The following SEC24D variants were observed in gnomAD, a reference collection of about 807,000 sequenced individuals.
SEC24D encodes the protein SEC24 homolog D, COPII component.
SEC24D carries 69 observed loss-of-function variants against 116.9 expected under a neutral mutation model. That is an observed-to-expected ratio of 0.59 (90% CI 0.49 to 0.72). The LOEUF is 0.72. Ranked by LOEUF, SEC24D falls within the 30% of genes least tolerant of loss-of-function variation. The pLI, the probability that SEC24D is intolerant of heterozygous loss-of-function variation, is 0.00. For missense variants in SEC24D, 1,131 were observed against 1,264.1 expected (o/e 0.89, Z 1.60); for synonymous variants, 405 against 442.8 (o/e 0.91, Z 1.07).
intron 17 of SEC24D, 151 bp from the exon 18 acceptor site, chr4:118,739,438 G>T (rs1726128796): frequency 3.0e-6 from 2 of 671,568 alleles, no homozygotes; most frequent in Non-Finnish European, 4.8e-6. Flanking sequence ...TATTGTTAAA[G>T]AATGAACAAC....
intron 6 of SEC24D, among the ~76,000 whole-genome samples, chr4:118,809,417 C>T (rs116158926): frequency 0.044 from 6,651 of 152,242 alleles, 199 homozygotes; most frequent in Non-Finnish European, 0.064. Flanking sequence ...TCGCTCAGGA[C>T]TGGGGTATAG....
chr4:118,724,243 G>T (rs770391982), intron 22 of SEC24D, among the ~76,000 whole-genome samples: 2 of 152,020 alleles, frequency 1.3e-5, no homozygotes, highest in Non-Finnish European at 2.9e-5. Context: ...AGGTGGAAAG[G>T]GGGTAGATTG....
chr4:118,738,201 G>T, intron 19 of SEC24D, 60 bp downstream of exon 19: 1 of 1,099,412 alleles, frequency 9.1e-7, no homozygotes, highest in Non-Finnish European at 1.4e-6. Context: ...ATAGCTATGT[G>T]CTGAAGAAAT....
At chr4:118,818,683 G>A (rs907213671) in intron 3 of SEC24D, among the ~76,000 whole-genome samples, 3 of 151,780 alleles carry the variant, frequency 2.0e-5, no homozygotes, top group African/African-American at 7.2e-5. Flanking sequence ...ATGTTTTATC[G>A]GTAGCCGGAA....
At chr4:118,754,362 T>G (rs1224625691) in intron 11 of SEC24D, among the ~76,000 whole-genome samples, 2 of 152,132 alleles carry the variant, frequency 1.3e-5, no homozygotes, top group African/African-American at 4.8e-5. Context: ...CCGATTCATT[T>G]GAATCTTACT....
chr4:118,767,388 C>T (rs916136653), intron 9 of SEC24D, among the ~76,000 whole-genome samples: 2 of 152,178 alleles, frequency 1.3e-5, no homozygotes, highest in African/African-American at 4.8e-5. Context: ...GCTATATGTT[C>T]TTCAGATCTA....
At chr4:118,785,168 T>C (rs1431868342) in intron 8 of SEC24D, among the ~76,000 whole-genome samples, 1 of 152,184 alleles carries the variant, frequency 6.6e-6, no homozygotes, top group African/African-American at 2.4e-5. Flanking sequence ...GTATCAAATA[T>C]GGCATTTGAA....
chr4:118,767,981 TAGTTACCTA>T (rs1727718772), intron 9 of SEC24D, among the ~76,000 whole-genome samples, 183 bp downstream of exon 9: 1 of 152,238 alleles, frequency 6.6e-6, no homozygotes, highest in South Asian at 2.1e-4. Flanking sequence ...GGGGCTCATG[TAGTTACCTA>T]AGGTTAAAAG....
chr4:118,827,140 C>T (rs6840339), intron 2 of SEC24D, among the ~76,000 whole-genome samples: 87,977 of 151,824 alleles, frequency 0.58, 26,052 homozygotes, highest in East Asian at 0.66. Context: ...GATGGCACGA[C>T]CAGGACAGGG....
At chr4:118,760,506 GGCT>G (rs1727321671) in intron 10 of SEC24D, 1 of 151,998 alleles carries the variant, frequency 6.6e-6, no homozygotes, top group Non-Finnish European at 1.5e-5. Context: ...TCCTTTTTGA[GGCT>G]GAATGATATT....
intron 8 of SEC24D, among the ~76,000 whole-genome samples, chr4:118,781,903 G>A (rs1247029856): frequency 6.6e-6 from 1 of 152,104 alleles, no homozygotes; most frequent in African/African-American, 2.4e-5. Context: ...CATGCGTCAC[G>A]TAGTTTTCGC....
chr4:118,784,777 T>A (rs1578431947), intron 8 of SEC24D, among the ~76,000 whole-genome samples: 1 of 116,552 alleles, frequency 8.6e-6, no homozygotes. Context: ...AAACACACAC[T>A]CACAAATACT....
rs555413770 is a variant in SEC24D at position 118,736,935 on chromosome 4, T to G, written c.2496+1326A>C. On this transcript the variant is annotated intron_variant, in intron 19 of 22. Coordinates refer to ENST00000280551, the MANE Select transcript of SEC24D (RefSeq NM_014822.4). Reference sequence around the variant, plus strand: ...CCAGAATAAAATAACAGGTTTTTCTTCCATAAATAGGCAATAAGTTTGTTT... The same window carrying G: ...CCAGAATAAAATAACAGGTTTTTCTGCCATAAATAGGCAATAAGTTTGTTT... 2.0e-5 allele frequency among the ~76,000 whole-genome samples: 3 copies of G among 152,334 alleles called. No individual in the cohort carries two copies. In the East Asian group the frequency reaches 5.8e-4, roughly 29 times the overall value.
chr4:118,823,577 T>A (rs1383926336), intron 3 of SEC24D, among the ~76,000 whole-genome samples: 1 of 152,192 alleles, frequency 6.6e-6, no homozygotes, highest in East Asian at 1.9e-4. Context: ...AAGCAAACAC[T>A]GCCTGCGGCT....
chr4:118,780,356 G>A (rs1260075428), intron 8 of SEC24D, among the ~76,000 whole-genome samples: 1 of 152,064 alleles, frequency 6.6e-6, no homozygotes, highest in Non-Finnish European at 1.5e-5. Flanking sequence ...ATTTCGTTAT[G>A]TACCCAGTAG....
rs1011250272 is a variant in SEC24D, at chr4:118,836,028, G to A, written c.-129C>T. 2 of 152,282 alleles carry A rather than the reference G, an allele frequency of 1.3e-5. No homozygotes were observed. Among genetic ancestry groups the A allele is most frequent in the Admixed American group, 6.5e-5 (1 of 15,290 alleles). The allele number at this position is 152,282 out of a possible 1,614,324, so 9.4% of individuals were successfully genotyped here. A position where few individuals can be genotyped will look rare whatever the true frequency, so the allele number is the denominator to read the frequency against. On this transcript the variant is annotated 5_prime_UTR_variant, in exon 1 of 23. Coordinates refer to ENST00000280551, the MANE Select transcript of SEC24D (RefSeq NM_014822.4). The stretch of plus-strand genomic sequence containing the variant: ...AGCCCTCGGTGGCCGGGCTCCCGCT[G>A]CGGTCGCTTCTCCCGCCGCGCCTCT...
chr4:118,812,967 T>C (rs1729981960), intron 6 of SEC24D, among the ~76,000 whole-genome samples: 1 of 152,106 alleles, frequency 6.6e-6, no homozygotes, highest in Non-Finnish European at 1.5e-5. Flanking sequence ...CCCCTAGAGA[T>C]TTGAGCTTTG....
At chr4:118,802,797 T>A (rs2110511214) in intron 7 of SEC24D, among the ~76,000 whole-genome samples, 1 of 152,256 alleles carries the variant, frequency 6.6e-6, no homozygotes, top group East Asian at 1.9e-4. Context: ...TACGTAAATA[T>A]CCACAGCAGC....
Position 118,738,340 on chromosome 4 carries a change from C to T in SEC24D, c.2417G>A (p.Arg806Gln), listed in dbSNP as rs577191667. The T allele has an allele frequency of 4.8e-5, 77 of 1,613,404 alleles. No individual in the cohort carries two copies. The highest frequency in any genetic ancestry group is 5.7e-5 in the Non-Finnish European group (67 of 1,179,460). Residue 806 changes from arginine to glutamine, a missense_variant, in exon 19 of 23, where the codon CGG (arginine) becomes CAG (glutamine). Transcript: ENST00000280551. ...AVLHQPLKVIREILVNQTAHM... is the reference protein window; with the variant it reads ...AVLHQPLKVIQEILVNQTAHM... ...GGCAGTCTGATTAACTAGAATTTCC[C>T]GGATGACCTTCAAAGGCTGGTGGAG...
Sources: gnomAD v4.1 joint callset for allele counts (sites outside exome capture counted in the v4.1 genomes callset) on GRCh38, gnomAD v4.1.1 for gene constraint, MANE v1.5 for transcripts, NCBI Gene and HGNC (gene_info 2026-07-23, HGNC 2026-07-21) for gene names.